STARD13: variants seen among roughly 807,000 people sequenced by gnomAD.
STARD13 encodes stAR-related lipid transfer protein 13.
In STARD13, 62 loss-of-function variants were observed where a neutral mutation model predicts 106.4. That is an observed-to-expected ratio of 0.58 (90% CI 0.48 to 0.72). The LOEUF (loss-of-function observed/expected upper bound fraction) is 0.72. STARD13 is among the 30% of genes least tolerant of loss of function. STARD13 has a pLI of 0.00. For synonymous variants in STARD13, 565 were observed against 553.0 expected (o/e 1.02, Z -0.31); for missense variants, 1,387 against 1,424.0 (o/e 0.97, Z 0.42).
chr13:33,138,410 CTTT>C lies in STARD13; in HGVS notation c.387+3897_387+3899del, dbSNP rs71196507. The C allele has an allele frequency of 6.1e-3, 754 of 122,768 alleles. 3 individuals are homozygous for C. The highest frequency in any genetic ancestry group is 0.017 in the African/African-American group (570 of 33,332). 7.6% of individuals were successfully genotyped at this position (122,768 alleles called of 1,614,324 possible). A position where few individuals can be genotyped will look rare whatever the true frequency, so the allele number is the denominator to read the frequency against. On this transcript the variant is annotated intron_variant, in intron 4 of 13. Transcript: ENST00000336934. Reference sequence around the variant, plus strand: ...ATTTAGATGAGTCTCCACTGTTTGGCTTTTTTTTTTTTTTTTTTTCTAAAAATG... The same window carrying C: ...ATTTAGATGAGTCTCCACTGTTTGGCTTTTTTTTTTTTTTTTCTAAAAATG...
At chr13:33,359,154 C>G in the STARD13 span, among the ~76,000 whole-genome samples, 1 of 151,556 alleles carries the variant, frequency 6.6e-6, no homozygotes, top group East Asian at 2.0e-4. Flanking sequence ...CGTTGTTTTT[C>G]GCTCTTTGCA....
At chr13:33,110,493 C>T (rs1019997068) in intron 11 of STARD13, among the ~76,000 whole-genome samples, 193 bp downstream of exon 11, 11 of 152,076 alleles carry the variant, frequency 7.2e-5, no homozygotes, top group Admixed American at 2.6e-4. Context: ...TCCAGCTGTC[C>T]GGCTCCATAG....
chr13:33,279,392 A>C (rs762903541), intron 1 of STARD13: 5 of 152,362 alleles, frequency 3.3e-5, no homozygotes, highest in Middle Eastern at 3.4e-3. Flanking sequence ...CTAAGAATTA[A>C]AGCACTGATG....
At chr13:33,573,692 A>C in the STARD13 span, among the ~76,000 whole-genome samples, 10 of 152,242 alleles carry the variant, frequency 6.6e-5, no homozygotes, top group Non-Finnish European at 1.0e-4. Flanking sequence ...GTATAAGCAG[A>C]AAATCTATAA....
chr13:33,569,625 A>G, the STARD13 span, among the ~76,000 whole-genome samples: 6 of 147,698 alleles, frequency 4.1e-5, 1 homozygote, highest in South Asian at 1.3e-3. Flanking sequence ...CATCTCAATC[A>G]GAAGAAAGAA....
the STARD13 span, among the ~76,000 whole-genome samples, chr13:33,562,824 A>G: frequency 9.5e-4 from 140 of 147,294 alleles, 13 homozygotes; most frequent in Non-Finnish European, 1.5e-3. Context: ...ACTTCCTAGC[A>G]TTAGTTGAGG....
intron 1 of STARD13, among the ~76,000 whole-genome samples, chr13:33,239,107 T>C (rs1889340250): frequency 6.6e-6 from 1 of 152,136 alleles, no homozygotes; most frequent in East Asian, 1.9e-4. Context: ...GGATACCTCA[T>C]GGAAGTGGAA....
the STARD13 span, among the ~76,000 whole-genome samples, chr13:33,613,714 T>C: frequency 6.6e-6 from 1 of 152,328 alleles, no homozygotes; most frequent in East Asian, 1.9e-4. Context: ...CAGGACAGGC[T>C]TTGAGCATAA....
At chr13:33,445,064 AT>A in the STARD13 span, among the ~76,000 whole-genome samples, 12 of 151,940 alleles carry the variant, frequency 7.9e-5, no homozygotes, top group Non-Finnish European at 1.5e-4. Flanking sequence ...CATTCAGATA[AT>A]TTTTTTTGGG....
At chr13:33,411,591 T>C in the STARD13 span, among the ~76,000 whole-genome samples, 1 of 151,662 alleles carries the variant, frequency 6.6e-6, no homozygotes, top group Non-Finnish European at 1.5e-5. Flanking sequence ...AAGAGAGCTC[T>C]TGATTTTGGC....
chr13:33,494,821 G>T, the STARD13 span, among the ~76,000 whole-genome samples: 1 of 151,994 alleles, frequency 6.6e-6, no homozygotes, highest in Non-Finnish European at 1.5e-5. Flanking sequence ...ACTCTATAGA[G>T]GTCACAATGT....
the STARD13 span, among the ~76,000 whole-genome samples, chr13:33,502,468 T>A: frequency 6.6e-6 from 1 of 152,244 alleles, no homozygotes; most frequent in Non-Finnish European, 1.5e-5. Flanking sequence ...GTGCCAGTTT[T>A]CAAAGGGAAT....
At chr13:33,142,280 C>A (rs1342914535) in intron 4 of STARD13, 30 bp downstream of exon 4, 1 of 1,581,668 alleles carries the variant, frequency 6.3e-7, no homozygotes, top group Non-Finnish European at 8.7e-7. Flanking sequence ...ACTGGCATAG[C>A]CACATTCTTA....
At chr13:33,197,154 C>A (rs567692206) in intron 1 of STARD13, among the ~76,000 whole-genome samples, 1 of 152,292 alleles carries the variant, frequency 6.6e-6, no homozygotes, top group Admixed American at 6.5e-5. Flanking sequence ...GTTTGTACTA[C>A]ATGCTGGGAT....
At chr13:33,266,945 T>C (rs934423944) in intron 1 of STARD13, among the ~76,000 whole-genome samples, 1 of 152,248 alleles carries the variant, frequency 6.6e-6, no homozygotes, top group Non-Finnish European at 1.5e-5. Flanking sequence ...GGTTCTCCAA[T>C]AGAAGAGCTG....
chr13:33,588,460 A>G, the STARD13 span, among the ~76,000 whole-genome samples: 1 of 152,206 alleles, frequency 6.6e-6, no homozygotes, highest in Non-Finnish European at 1.5e-5. Context: ...TAATCAAAAC[A>G]TAATTAGAAG....
intron 1 of STARD13, among the ~76,000 whole-genome samples, chr13:33,212,086 G>A (rs1887757026): frequency 6.6e-6 from 1 of 152,138 alleles, no homozygotes; most frequent in Non-Finnish European, 1.5e-5. Flanking sequence ...CCCAGTGACT[G>A]TTTTAGTCAA....
chr13:33,400,758 C>T, the STARD13 span, among the ~76,000 whole-genome samples: 280 of 152,282 alleles, frequency 1.8e-3, 1 homozygote, highest in African/African-American at 6.6e-3. Flanking sequence ...CCACCGCACC[C>T]AGCCCGTCTT....
chr13:33,279,226 T>A (rs1891627006), intron 1 of STARD13, among the ~76,000 whole-genome samples: 1 of 152,174 alleles, frequency 6.6e-6, no homozygotes, highest in Non-Finnish European at 1.5e-5. Context: ...ACTTATCATT[T>A]GTTCTCTTTT....
Sources: gnomAD v4.1 joint callset for allele counts (sites outside exome capture counted in the v4.1 genomes callset) on GRCh38, gnomAD v4.1.1 for gene constraint, MANE v1.5 for transcripts, NCBI Gene and HGNC (gene_info 2026-07-23, HGNC 2026-07-21) for gene names.